GALNT17: variants seen among roughly 807,000 people sequenced by gnomAD.
GALNT17 encodes UDP-GalNAc:polypeptide N-acetylgalactosaminyltransferase-like 3.
In GALNT17, 29 loss-of-function variants were observed where a neutral mutation model predicts 63.7. The ratio of observed to expected loss-of-function variants is 0.46; its 90% CI spans 0.34 to 0.62. The LOEUF (loss-of-function observed/expected upper bound fraction) is 0.62, where lower values mean the gene tolerates loss of function less well. Ranked by LOEUF, GALNT17 falls within the 20% of genes least tolerant of loss-of-function variation. The probability of loss-of-function intolerance (pLI) is 0.01; values close to 1 mark genes in which losing one functional copy is unlikely to be tolerated. For synonymous variants in GALNT17, 305 were observed against 318.3 expected (o/e 0.96, Z 0.45); for missense variants, 603 against 799.6 (o/e 0.75, Z 2.97).
intron 1 of GALNT17, among the ~76,000 whole-genome samples, chr7:71,206,537 A>C (rs765559260): frequency 6.6e-6 from 1 of 152,050 alleles, no homozygotes; most frequent in Non-Finnish European, 1.5e-5. Context: ...CACTTCCCAA[A>C]TTGCTTTCCA....
intron 5 of GALNT17, among the ~76,000 whole-genome samples, chr7:71,536,882 T>C (rs548942967): frequency 1.3e-5 from 2 of 152,328 alleles, no homozygotes; most frequent in African/African-American, 4.8e-5. Context: ...CCTCACGTTC[T>C]GATGCCACAT....
intron 3 of GALNT17, among the ~76,000 whole-genome samples, chr7:71,407,563 A>G (rs1460726474): frequency 1.3e-5 from 2 of 152,084 alleles, no homozygotes; most frequent in African/African-American, 4.8e-5. Flanking sequence ...CCTCAGCAAC[A>G]TGGTAAAACC....
chr7:71,383,024 C>T (rs1407084084), intron 2 of GALNT17, among the ~76,000 whole-genome samples: 4 of 152,086 alleles, frequency 2.6e-5, no homozygotes, highest in Non-Finnish European at 5.9e-5. Context: ...CTTCCCTGTC[C>T]CCTGATAACC....
chr7:71,529,725 A>G (rs1788683292), intron 5 of GALNT17, among the ~76,000 whole-genome samples: 1 of 152,200 alleles, frequency 6.6e-6, no homozygotes, highest in Admixed American at 6.5e-5. Flanking sequence ...CAGATGAGGC[A>G]TGCATGCCGC....
intron 1 of GALNT17, among the ~76,000 whole-genome samples, chr7:71,315,583 G>T (rs1791485208): frequency 6.6e-6 from 1 of 152,154 alleles, no homozygotes; most frequent in Non-Finnish European, 1.5e-5. Flanking sequence ...ATGGGCTTGT[G>T]TTCATTATTC....
intron 1 of GALNT17, among the ~76,000 whole-genome samples, chr7:71,183,729 TGTA>T (rs1562893489): frequency 1.9e-3 from 286 of 151,804 alleles, no homozygotes; most frequent in Middle Eastern, 0.01. Flanking sequence ...AAACCCCCAC[TGTA>T]CGAAAAATAA....
At chr7:71,373,140 T>G (rs1792657247) in intron 2 of GALNT17, among the ~76,000 whole-genome samples, 1 of 152,220 alleles carries the variant, frequency 6.6e-6, no homozygotes, top group Admixed American at 6.5e-5. Context: ...CCATCTTGTC[T>G]TGAGCTGGCT....
At chr7:71,268,929 A>G (rs1790538526) in intron 1 of GALNT17, among the ~76,000 whole-genome samples, 2 of 152,174 alleles carry the variant, frequency 1.3e-5, no homozygotes, top group African/African-American at 2.4e-5. Context: ...TTGAGGCCTC[A>G]TGGAGGCAGG....
intron 1 of GALNT17, among the ~76,000 whole-genome samples, chr7:71,176,096 G>A (rs1330794093): frequency 1.3e-5 from 2 of 152,008 alleles, no homozygotes; most frequent in South Asian, 2.1e-4. Context: ...GAGCACCTAC[G>A]TGTGGCCTCG....
intron 1 of GALNT17, among the ~76,000 whole-genome samples, chr7:71,324,254 A>T (rs896244329): frequency 6.6e-6 from 1 of 152,166 alleles, no homozygotes; most frequent in African/African-American, 2.4e-5. Flanking sequence ...AGATGGTGTT[A>T]GGAGTTGCCT....
intron 1 of GALNT17, among the ~76,000 whole-genome samples, chr7:71,291,313 A>T (rs1351247435): frequency 6.6e-6 from 1 of 152,174 alleles, no homozygotes; most frequent in Admixed American, 6.5e-5. Context: ...TTTTATTAGA[A>T]ACATTTAACT....
At chr7:71,672,094 C>T (rs187909884) in intron 8 of GALNT17, among the ~76,000 whole-genome samples, 53 of 151,330 alleles carry the variant, frequency 3.5e-4, no homozygotes, top group African/African-American at 1.1e-3. Context: ...TCTGAACTGC[C>T]TTGCCTTTTC....
chr7:71,668,046 A>G (rs473783), intron 7 of GALNT17, among the ~76,000 whole-genome samples: 146,647 of 152,128 alleles, frequency 0.96, 70,771 homozygotes, highest in East Asian at 1. Context: ...CAATCCTCCC[A>G]CCTCAGCTTC....
intron 1 of GALNT17, among the ~76,000 whole-genome samples, chr7:71,146,136 T>C (rs1487554097): frequency 6.6e-6 from 1 of 151,478 alleles, no homozygotes; most frequent in East Asian, 1.9e-4. Context: ...GTGGATGGAG[T>C]GGCCTGACTC....
chr7:71,266,196 C>T (rs574487115), intron 1 of GALNT17, among the ~76,000 whole-genome samples: 109 of 115,888 alleles, frequency 9.4e-4, no homozygotes, highest in African/African-American at 2.8e-3. Flanking sequence ...CAGATAAATC[C>T]GGCATAGTCC....
rs566604949 is a variant in GALNT17, at chr7:71,138,105, G to A, written c.238+5065G>A. ...CTCATGCCTGTAATCCCTGTACTAT[G>A]GGAAGCTGAGGTGAGAAGATCAGTT... On this transcript the variant is annotated intron_variant, in intron 1 of 10. Transcript: ENST00000333538. 6.8e-5 allele frequency among the ~76,000 whole-genome samples: 10 copies of A among 146,188 alleles called. No homozygotes were observed. The South Asian group carries it at 1.5e-3, about 22-fold the overall frequency.
chr7:71,250,621 T>C (rs574211354), intron 1 of GALNT17, among the ~76,000 whole-genome samples: 11 of 152,308 alleles, frequency 7.2e-5, no homozygotes, highest in African/African-American at 2.6e-4. Flanking sequence ...CCCTAGACGT[T>C]TTTCCCCTCG....
At chr7:71,255,800 G>A (rs1395574215) in intron 1 of GALNT17, among the ~76,000 whole-genome samples, 1 of 152,112 alleles carries the variant, frequency 6.6e-6, no homozygotes, top group African/African-American at 2.4e-5. Flanking sequence ...GTGGCTGGCC[G>A]AGAGACTAGA....
At chr7:71,152,227 T>C (rs1788149117) in intron 1 of GALNT17, among the ~76,000 whole-genome samples, 1 of 152,332 alleles carries the variant, frequency 6.6e-6, no homozygotes, top group African/African-American at 2.4e-5. Flanking sequence ...TTTTCTTTTT[T>C]TTCATTAGCT....
Sources: allele counts gnomAD v4.1 joint callset (sites outside exome capture counted in the v4.1 genomes callset), GRCh38; gene constraint gnomAD v4.1.1; transcripts MANE v1.5; gene names NCBI Gene and HGNC (gene_info 2026-07-23, HGNC 2026-07-21).